CD79B: variants seen among roughly 807,000 people sequenced by gnomAD.
CD79B encodes CD79b molecule, also known as B-cell antigen receptor complex-associated protein beta chain.
Under a neutral mutation model 30.0 loss-of-function variants are expected in CD79B, and 7 were observed. The ratio of observed to expected loss-of-function variants is 0.23; its 90% confidence interval spans 0.13 to 0.44. CD79B has a LOEUF of 0.44. CD79B is among the 20% of genes least tolerant of loss of function. The pLI, the probability that CD79B is intolerant of heterozygous loss-of-function variation, is 1.00. For missense variants in CD79B, 218 were observed against 299.1 expected, an observed-to-expected ratio of 0.73 and a Z score of 2.00; for synonymous variants, 118 against 119.2, an observed-to-expected ratio of 0.99 and a Z score of 0.07.
rs748612433 is a variant in CD79B at position 63,929,481 on chromosome 17, G to T, written c.550-6C>A. On this transcript the variant is annotated splice_polypyrimidine_tract_variant and splice_region_variant and intron_variant, in intron 4 of 5. Coordinates refer to ENST00000006750, the MANE Select transcript of CD79B (RefSeq NM_000626.4). The stretch of plus-strand genomic sequence containing the variant: ...ATGCCAGCCTTGCTGTCATCCTGGG[G>T]GCGGAGAGGGATGGAGATCAGAGTG... 1 of 1,613,830 alleles carries T rather than the reference G, an allele frequency of 6.2e-7. No individual in the cohort carries two copies. Among genetic ancestry groups the T allele is most frequent in the South Asian group, 1.1e-5 (1 of 91,084 alleles).
Position 63,930,210 on chromosome 17 carries a change from C to T in CD79B, c.294G>A (p.Glu98=), listed in dbSNP as rs753725989. The change falls in exon 3 of 6, where the codon GAG becomes GAA. Residue 98 remains glutamate (E), a synonymous_variant. Coordinates refer to ENST00000006750, the MANE Select transcript of CD79B (RefSeq NM_000626.4). ...QLKLEKGRME[E]SQNESLATLT... ...GGGTGGCGAGAGATTCGTTCTGGGA[C>T]TCTTCCATGCGGCCCTTTTCCAGCT... 1.2e-6 allele frequency: 2 copies of T among 1,614,240 alleles called. No homozygotes were observed. Among genetic ancestry groups the T allele is most frequent in the South Asian group, 1.1e-5 (1 of 91,090 alleles).
At chr17:63,929,709 G>A (rs1188593375) in intron 4 of CD79B, 61 bp downstream of exon 4, 6 of 1,235,548 alleles carry the variant, frequency 4.9e-6, no homozygotes, top group South Asian at 1.2e-5. Flanking sequence ...CCCTGCATAT[G>A]CCTGGCCTAT....
At position 63,931,523 on chromosome 17, in the gene CD79B, T is replaced by C. The variant is rs1908126702; in HGVS notation, c.68-138A>G. 3.1e-5 allele frequency: 24 copies of C among 765,758 alleles called. No individual in the cohort carries two copies. In the South Asian group the frequency reaches 3.8e-4, roughly 12 times the overall value. 47.4% of individuals were successfully genotyped at this position (765,758 alleles called of 1,614,324 possible). ...AGCTTCAAGACCCCTCGGTCCTCCC[T>C]GCCCCCAGTACTTGGGAGACAGATA... is the stretch of plus-strand genomic sequence containing the variant. On this transcript the variant is annotated intron_variant, in intron 1 of 5. Transcript: ENST00000006750.
At chr17:63,929,687 G>C in intron 4 of CD79B, 83 bp downstream of exon 4, 1 of 1,070,886 alleles carries the variant, frequency 9.3e-7, no homozygotes, top group South Asian at 1.3e-5. Flanking sequence ...ACGAGAGCTG[G>C]GGAGATGGAG....
chr17:63,931,975 T>C (rs1342282586), intron 1 of CD79B: 1 of 634,244 alleles, frequency 1.6e-6, no homozygotes, highest in Non-Finnish European at 2.9e-6. Context: ...CTCAGCCTGA[T>C]GCTCTCCAGG....
chr17:63,930,282 C>T lies in CD79B; in HGVS notation c.222G>A (p.Val74=), dbSNP rs766743000. 1.9e-6 allele frequency: 3 copies of T among 1,614,254 alleles called. No homozygotes were observed. Among genetic ancestry groups the T allele is most frequent in the Non-Finnish European group, 2.5e-6 (3 of 1,180,042 alleles). ...CCATCTCCTGCTTCCAGAGCCAGCTCACATTGCCGGAGGCGCTGTTCATGT... is the reference window on the plus strand; with the variant it reads ...CCATCTCCTGCTTCCAGAGCCAGCTTACATTGCCGGAGGCGCTGTTCATGT... The part of the protein sequence containing the change: ...HCYMNSASGN[V]SWLWKQEMDE... Residue 74 remains valine (V), a synonymous_variant, in exon 3 of 6, where the codon GTG becomes GTA. Coordinates refer to ENST00000006750, the MANE Select transcript of CD79B (RefSeq NM_000626.4).
Position 63,929,337 on chromosome 17 carries a change from A to G in CD79B, c.592-13T>C. ...CAATGTCCAGGCCCTGGAGACATTA[A>G]GTGGAACTCAGGCCGGGACCACACC... On this transcript the variant is annotated splice_polypyrimidine_tract_variant and intron_variant, in intron 5 of 5. Coordinates refer to ENST00000006750, the MANE Select transcript of CD79B (RefSeq NM_000626.4). The G allele has an allele frequency of 6.2e-7, 1 of 1,612,348 alleles. No homozygotes were observed.
Position 63,928,880 on chromosome 17 carries a change from G to C in CD79B, c.*346C>G. The C allele has an allele frequency of 2.3e-6, 1 of 441,524 alleles. No individual in the cohort carries two copies. 27.4% of individuals were successfully genotyped at this position (441,524 alleles called of 1,614,324 possible). On this transcript the variant is annotated 3_prime_UTR_variant, in exon 6 of 6. Coordinates refer to ENST00000006750, the MANE Select transcript of CD79B (RefSeq NM_000626.4). ...CAGTTGGGTCCATGGCCCTTCCCAA[G>C]CTCTGCTGGGAGGCCCTCGGCTCCG...
rs148302473 is a variant in CD79B at position 63,930,770 on chromosome 17, G to T, written c.119-385C>A. Among the ~76,000 whole-genome samples, 149 of 152,244 alleles carry T rather than the reference G, an allele frequency of 9.8e-4. 2 individuals are homozygous for T. The highest frequency in any genetic ancestry group is 3.5e-3 in the African/African-American group (146 of 41,548). On this transcript the variant is annotated intron_variant, in intron 2 of 5. Transcript: ENST00000006750. ...TCACTGGGCTGCCCTGCACAGGCTT[G>T]AAATCCTCAGTCTCCCCCGTTCCTC... is the stretch of plus-strand genomic sequence containing the variant.
In CD79B at chr17:63,929,297, A is replaced by C; in HGVS notation, c.619T>G (p.Tyr207Asp). Residue 207 changes from tyrosine to aspartate, a missense_variant, in exon 6 of 6, where the codon TAT becomes GAT. By Grantham distance (160) the Tyr-to-Asp change is radical. Transcript: ENST00000006750. The stretch of plus-strand genomic sequence containing the variant: ...GTCCGCAGCGTCACTATGTCCTCAT[A>C]GGTGGCTGTCTGGTCAATGTCCAGG... ...EGLDIDQTAT[Y>D]EDIVTLRTGE... The C allele has an allele frequency of 6.2e-7, 1 of 1,614,042 alleles. No homozygotes were observed. The highest frequency in any genetic ancestry group is 8.5e-7 in the Non-Finnish European group (1 of 1,179,908).
chr17:63,930,996 G>A (rs539679882), intron 2 of CD79B: 1 of 406,810 alleles, frequency 2.5e-6, no homozygotes, highest in South Asian at 2.3e-5. Flanking sequence ...CTCACATAGT[G>A]ACCCTGCACT....
At chr17:63,930,560 G>GCTGAGCCACGTGAGAGT (rs1431254711) in intron 2 of CD79B, 175 bp from the exon 3 acceptor site, 1 of 648,350 alleles carries the variant, frequency 1.5e-6, no homozygotes, top group East Asian at 2.7e-5. Context: ...CACGTGAGAG[G>GCTGAGCCACGTGAGAGT]CTGAGCCACA....
Position 63,931,499 on chromosome 17 carries a change from G to T in CD79B, c.68-114C>A, listed in dbSNP as rs1229293796. The T allele has an allele frequency of 7.1e-6, 7 of 982,812 alleles. No homozygotes were observed. In the Admixed American group the frequency reaches 1.2e-4, roughly 16 times the overall value. The allele number at this position is 982,812 out of a possible 1,614,324, so 60.9% of individuals were successfully genotyped here. A position where few individuals can be genotyped will look rare whatever the true frequency, so the allele number is the denominator to read the frequency against. On this transcript the variant is annotated intron_variant, in intron 1 of 5. Coordinates refer to ENST00000006750, the MANE Select transcript of CD79B (RefSeq NM_000626.4). ...GCTACTTCCTCCTTCCATGACAGCA[G>T]CTTCAAGACCCCTCGGTCCTCCCTG...
chr17:63,929,425 T>G lies in CD79B; in HGVS notation c.591+9A>C, dbSNP rs1405703196. The G allele has an allele frequency of 1.2e-6, 2 of 1,613,898 alleles. No homozygotes were observed. The highest frequency in any genetic ancestry group is 2.2e-5 in the South Asian group (2 of 91,082). On this transcript the variant is annotated intron_variant, in intron 5 of 5. Transcript: ENST00000006750. ...GACTCAGAGCTGCTGGGCCTGCCCC[T>G]CTCCTTACCTCGTAGGTGTGATCTT...
At position 63,931,179 on chromosome 17, in the gene CD79B, A is replaced by G. The variant is rs1037804623; in HGVS notation, c.118+156T>C. On this transcript the variant is annotated intron_variant, in intron 2 of 5. Coordinates refer to ENST00000006750, the MANE Select transcript of CD79B (RefSeq NM_000626.4). ...TGACAGTGGGCTGGGGGTGGGGCTCAGAGGAGATCCTAAGGAGGCCTGGGG... is the reference window on the plus strand; with the variant it reads ...TGACAGTGGGCTGGGGGTGGGGCTCGGAGGAGATCCTAAGGAGGCCTGGGG... 7.5e-5 allele frequency: 56 copies of G among 747,272 alleles called. No individual in the cohort carries two copies. The African/African-American group carries it at 8.3e-4, about 11-fold the overall frequency. The allele number at this position is 747,272 out of a possible 1,614,324, so 46.3% of individuals were successfully genotyped here.
At chr17:63,930,010 A>G (rs1908018134) in intron 3 of CD79B, 64 bp downstream of exon 3, 1 of 1,588,368 alleles carries the variant, frequency 6.3e-7, no homozygotes, top group Non-Finnish European at 8.6e-7. Flanking sequence ...CATCACCACA[A>G]GAGGCAGGCC....
Position 63,929,041 on chromosome 17 carries a change from C to A in CD79B, c.*185G>T. 3.2e-6 allele frequency: 2 copies of A among 630,420 alleles called. No individual in the cohort carries two copies. Among genetic ancestry groups the A allele is most frequent in the Non-Finnish European group, 5.7e-6 (2 of 350,578 alleles). The allele number at this position is 630,420 out of a possible 1,614,324, so 39.1% of individuals were successfully genotyped here. A position where few individuals can be genotyped will look rare whatever the true frequency, so the allele number is the denominator to read the frequency against. ...CCCTCCAAGTTGCTGCCCTGTTGTC[C>A]TTCTACTCCAGGCCCTTTGGCAAGA... On this transcript the variant is annotated 3_prime_UTR_variant, in exon 6 of 6. Transcript: ENST00000006750.
chr17:63,929,302 G>GCTGTCTGGTCAATGTCCAGGCC lies in CD79B; in HGVS notation c.592_613dup (p.Ala205GlyfsTer5). ...CAGCGTCACTATGTCCTCATAGGTG[G>GCTGTCTGGTCAATGTCCAGGCC]CTGTCTGGTCAATGTCCAGGCCCTG... On this transcript the variant is annotated stop_gained and frameshift_variant, in exon 6 of 6. Transcript: ENST00000006750. LOFTEE classifies it high-confidence loss of function. 6.2e-7 allele frequency: 1 copy of GCTGTCTGGTCAATGTCCAGGCC among 1,613,844 alleles called. No homozygotes were observed. Among genetic ancestry groups the GCTGTCTGGTCAATGTCCAGGCC allele is most frequent in the Non-Finnish European group, 8.5e-7 (1 of 1,179,746 alleles).
Position 63,929,174 on chromosome 17 carries a change from G to C in CD79B, c.*52C>G. The C allele has an allele frequency of 8.1e-7, 1 of 1,229,134 alleles. No individual in the cohort carries two copies. Among genetic ancestry groups the C allele is most frequent in the Non-Finnish European group, 1.2e-6 (1 of 829,658 alleles). 76.1% of individuals were successfully genotyped at this position (1,229,134 alleles called of 1,614,324 possible). On this transcript the variant is annotated 3_prime_UTR_variant, in exon 6 of 6. Transcript: ENST00000006750. The stretch of plus-strand genomic sequence containing the variant: ...GGGCCATGAGCCAGGCAGCTCCGAA[G>C]CAGTCACTGAGGCCAGGGAGCCTGC...
Sources: gnomAD v4.1 joint callset for allele counts (sites outside exome capture counted in the v4.1 genomes callset) on GRCh38, gnomAD v4.1.1 for gene constraint, MANE v1.5 for transcripts, NCBI Gene and HGNC (gene_info 2026-07-23, HGNC 2026-07-21) for gene names.